GARRE1: variants seen among roughly 807,000 people sequenced by gnomAD.
GARRE1 encodes the protein granule associated Rac and RHOG effector protein 1.
A neutral mutation model predicts 103.2 loss-of-function variants in GARRE1; 49 were observed. The ratio of observed to expected loss-of-function variants is 0.47; its 90% confidence interval spans 0.38 to 0.60. The LOEUF (loss-of-function observed/expected upper bound fraction) is 0.60, where lower values mean the gene tolerates loss of function less well. Ranked by LOEUF, GARRE1 falls within the 20% of genes least tolerant of loss-of-function variation. GARRE1 has a pLI of 0.00. For missense variants in GARRE1, 1,199 were observed against 1,370.5 expected, an observed-to-expected ratio of 0.87 and a Z score of 1.98; for synonymous variants, 505 against 532.8, an observed-to-expected ratio of 0.95 and a Z score of 0.72.
Position 34,342,441 on chromosome 19 carries a change from C to G in GARRE1, c.2507C>G (p.Pro836Arg). ...TTTGGAATGCTGGGAGAGATTCTGC[C>G]TTTTGATCCTGCAGGTATGTGAGGC... Reference protein sequence around the residue: ...GVFGMLGEILPFDPAVGSDPE... With the variant: ...GVFGMLGEILRFDPAVGSDPE... The change falls in exon 10 of 14, where the codon CCT becomes CGT. Residue 836 changes from proline to arginine, a missense_variant. By Grantham distance (103) the Pro-to-Arg change is moderately radical (BLOSUM62 -2). Coordinates refer to ENST00000299505, the MANE Select transcript of GARRE1 (RefSeq NM_014686.5). 1 of 1,611,574 alleles carries G rather than the reference C, an allele frequency of 6.2e-7. No homozygotes were observed. The highest frequency in any genetic ancestry group is 1.1e-5 in the South Asian group (1 of 90,772).
At chr19:34,314,907 G>A (rs553046428) in intron 2 of GARRE1, among the ~76,000 whole-genome samples, 1 of 152,296 alleles carries the variant, frequency 6.6e-6, no homozygotes, top group Admixed American at 6.5e-5. Context: ...ACATTCTGGT[G>A]TGTAGCTCAT....
chr19:34,259,041 G>A (rs2073695747), intron 1 of GARRE1, among the ~76,000 whole-genome samples: 1 of 152,180 alleles, frequency 6.6e-6, no homozygotes, highest in Non-Finnish European at 1.5e-5. Flanking sequence ...GGTGGTCCAT[G>A]CCTATAATTC....
chr19:34,335,220 G>T (rs957941249), intron 8 of GARRE1, among the ~76,000 whole-genome samples: 3 of 152,170 alleles, frequency 2.0e-5, no homozygotes, highest in Admixed American at 6.5e-5. Context: ...TAGTATATTA[G>T]AAGCCTAAAA....
At chr19:34,257,843 T>A (rs1490127155) in intron 1 of GARRE1, among the ~76,000 whole-genome samples, 1 of 152,120 alleles carries the variant, frequency 6.6e-6, no homozygotes, top group Non-Finnish European at 1.5e-5. Flanking sequence ...TCTTTCTTGC[T>A]CTCGTGAATC....
rs534861578 is a variant in GARRE1 at position 34,272,125 on chromosome 19, A to G, written c.-796+17511A>G. Among the ~76,000 whole-genome samples, 11 of 152,362 alleles carry G rather than the reference A, an allele frequency of 7.2e-5. No individual in the cohort carries two copies. The South Asian group carries it at 2.3e-3, about 32-fold the overall frequency. ...CAACAGGACGGGGACCATCTGGAAT[A>G]ACACCTTAAGTTTGGGTTAAAAGTT... is the stretch of plus-strand genomic sequence containing the variant. On this transcript the variant is annotated intron_variant, in intron 1 of 13. Coordinates refer to ENST00000299505, the MANE Select transcript of GARRE1 (RefSeq NM_014686.5).
intron 1 of GARRE1, among the ~76,000 whole-genome samples, chr19:34,271,779 G>A (rs1160027104): frequency 6.6e-6 from 1 of 151,930 alleles, no homozygotes; most frequent in East Asian, 1.9e-4. Flanking sequence ...AAGCTGCAGT[G>A]AGCTATGATC....
Position 34,330,215 on chromosome 19 carries a change from G to C in GARRE1, c.1131G>C (p.Glu377Asp). The C allele has an allele frequency of 1.9e-6, 3 of 1,614,098 alleles. No individual in the cohort carries two copies. The highest frequency in any genetic ancestry group is 1.7e-6 in the Non-Finnish European group (2 of 1,179,970). Reference sequence around the variant, plus strand: ...ATACAATGTTACAGCTGATGAAGGAGGCAGGCTGCTATAATGGAATCACAT... The same window carrying C: ...ATACAATGTTACAGCTGATGAAGGACGCAGGCTGCTATAATGGAATCACAT... ...KTHTMLQLMK[E>D]AGCYNGITSR... Residue 377 changes from glutamate to aspartate, a missense_variant, in exon 7 of 14, where the codon GAG becomes GAC. Transcript: ENST00000299505.
chr19:34,296,919 A>G (rs960088479), intron 1 of GARRE1, among the ~76,000 whole-genome samples: 3 of 152,172 alleles, frequency 2.0e-5, no homozygotes, highest in Non-Finnish European at 4.4e-5. Flanking sequence ...TACCTAGGAC[A>G]GCAGGCATGC....
intron 2 of GARRE1, among the ~76,000 whole-genome samples, chr19:34,307,599 G>A (rs892427809): frequency 2.9e-5 from 4 of 139,732 alleles, no homozygotes; most frequent in Non-Finnish European, 4.6e-5. Flanking sequence ...ATACACATAC[G>A]CACACACATA....
chr19:34,257,341 A>G (rs1185948631), intron 1 of GARRE1, among the ~76,000 whole-genome samples: 1 of 151,514 alleles, frequency 6.6e-6, no homozygotes, highest in Non-Finnish European at 1.5e-5. Flanking sequence ...TTGGGTGTCC[A>G]CTCTCTTTTT....
chr19:34,321,229 T>TTG (rs1295557781), intron 3 of GARRE1, among the ~76,000 whole-genome samples: 2 of 99,798 alleles, frequency 2.0e-5, no homozygotes, highest in African/African-American at 5.4e-5. Context: ...GCTAATTTTT[T>TTG]TTTTTTTTTT....
At chr19:34,257,238 C>T (rs1040619888) in intron 1 of GARRE1, among the ~76,000 whole-genome samples, 7 of 151,854 alleles carry the variant, frequency 4.6e-5, no homozygotes, top group African/African-American at 1.7e-4. Context: ...AAACCTATAG[C>T]CTAATACATC....
At chr19:34,328,521 C>G (rs1225548603) in intron 6 of GARRE1, among the ~76,000 whole-genome samples, 2 of 104,194 alleles carry the variant, frequency 1.9e-5, no homozygotes, top group Non-Finnish European at 3.8e-5. Context: ...AAGCAAAACT[C>G]TGTCTTAAAA....
intron 9 of GARRE1, among the ~76,000 whole-genome samples, chr19:34,340,773 C>A (rs970954889): frequency 4.6e-5 from 7 of 152,192 alleles, no homozygotes; most frequent in Admixed American, 4.6e-4. Context: ...CTGCCTCGGC[C>A]TCCCAAAGTG....
chr19:34,313,484 A>G (rs1446338400), intron 2 of GARRE1, among the ~76,000 whole-genome samples: 1 of 152,142 alleles, frequency 6.6e-6, no homozygotes, highest in African/African-American at 2.4e-5. Flanking sequence ...AGATGGGGAT[A>G]TTGGGATCCC....
intron 1 of GARRE1, among the ~76,000 whole-genome samples, chr19:34,271,458 C>A (rs572239379): frequency 1.3e-5 from 2 of 152,118 alleles, no homozygotes; most frequent in East Asian, 3.9e-4. Context: ...CCATGTTGGC[C>A]AGGCTGGTCT....
intron 2 of GARRE1, among the ~76,000 whole-genome samples, chr19:34,316,297 C>G (rs2074060130): frequency 6.6e-6 from 1 of 152,182 alleles, no homozygotes; most frequent in Admixed American, 6.5e-5. Context: ...AACTTAAAAA[C>G]CTGCCTTTGG....
intron 10 of GARRE1, among the ~76,000 whole-genome samples, chr19:34,345,560 C>T (rs899646161): frequency 6.6e-6 from 1 of 152,208 alleles, no homozygotes; most frequent in Non-Finnish European, 1.5e-5. Flanking sequence ...TGGCTCATGC[C>T]TGTAGTCTCA....
intron 1 of GARRE1, among the ~76,000 whole-genome samples, chr19:34,262,287 CTT>C (rs1018456778): frequency 2.5e-4 from 9 of 35,760 alleles, no homozygotes; most frequent in Non-Finnish European, 4.4e-4. Context: ...CCAGCTGCTG[CTT>C]TTTTTTTTTT....
Sources: gnomAD v4.1 joint callset for allele counts (sites outside exome capture counted in the v4.1 genomes callset) on GRCh38, gnomAD v4.1.1 for gene constraint, MANE v1.5 for transcripts, NCBI Gene and HGNC (gene_info 2026-07-23, HGNC 2026-07-21) for gene names.